SLC1A2: variants seen among roughly 807,000 people sequenced by gnomAD.
SLC1A2 encodes solute carrier family 1 member 2.
In SLC1A2, 15 loss-of-function variants were observed where a neutral mutation model predicts 48.8. The ratio of observed to expected loss-of-function variants is 0.31; its 90% CI spans 0.21 to 0.47. SLC1A2 has a LOEUF of 0.47. SLC1A2 is among the 20% of genes least tolerant of loss of function. The probability of loss-of-function intolerance (pLI) is 0.99; values close to 1 mark genes in which losing one functional copy is unlikely to be tolerated. For synonymous variants in SLC1A2, 279 were observed against 272.6 expected (o/e 1.02, Z -0.23); for missense variants, 502 against 730.5 (o/e 0.69, Z 3.61).
chr11:35,326,824 A>T (rs1317073832), intron 1 of SLC1A2, among the ~76,000 whole-genome samples: 2 of 152,178 alleles, frequency 1.3e-5, no homozygotes, highest in Non-Finnish European at 2.9e-5. Flanking sequence ...TCCTTGAGAG[A>T]ACTATCCCTT....
In SLC1A2 at chr11:35,312,283, T is replaced by C; in HGVS notation, c.476A>G (p.Asn159Ser). Residue 159 changes from asparagine (N) to serine (S), a missense_variant, in exon 4 of 11, where the codon AAT becomes AGT. Transcript: ENST00000278379. ...GGCATCCAGGCTGGACACTTCATCATTCTTCTTCCCAGGCCCCAGCTGCTT... is the reference window on the plus strand; with the variant it reads ...GGCATCCAGGCTGGACACTTCATCACTCTTCTTCCCAGGCCCCAGCTGCTT... ...LKKQLGPGKKNDEVSSLDAFL... is the reference protein window; with the variant it reads ...LKKQLGPGKKSDEVSSLDAFL... The C allele has an allele frequency of 6.2e-7, 1 of 1,614,150 alleles. No individual in the cohort carries two copies. The highest frequency in any genetic ancestry group is 8.5e-7 in the Non-Finnish European group (1 of 1,180,002).
intron 1 of SLC1A2, among the ~76,000 whole-genome samples, chr11:35,409,690 C>G (rs1176199986): frequency 6.6e-6 from 1 of 152,148 alleles, no homozygotes; most frequent in Non-Finnish European, 1.5e-5. Context: ...GGATGGATTA[C>G]CTGAGGTCAG....
chr11:35,306,654 C>T (rs1000707629), intron 4 of SLC1A2, among the ~76,000 whole-genome samples: 3 of 152,150 alleles, frequency 2.0e-5, no homozygotes, highest in Non-Finnish European at 2.9e-5. Flanking sequence ...TATGTTTGTA[C>T]CCTTTAAGCT....
intron 1 of SLC1A2, among the ~76,000 whole-genome samples, chr11:35,355,191 T>C (rs1004785728): frequency 1.3e-5 from 2 of 152,238 alleles, no homozygotes; most frequent in African/African-American, 4.8e-5. Flanking sequence ...TTCAAACTCT[T>C]CTACCTTGTT....
chr11:35,341,009 C>T (rs1253746798), intron 1 of SLC1A2, among the ~76,000 whole-genome samples: 1 of 152,194 alleles, frequency 6.6e-6, no homozygotes, highest in Non-Finnish European at 1.5e-5. Context: ...GTGAATCTCC[C>T]AGACGCCAGG....
chr11:35,282,215 C>T (rs917645365), intron 8 of SLC1A2, among the ~76,000 whole-genome samples: 3 of 152,122 alleles, frequency 2.0e-5, no homozygotes, highest in African/African-American at 7.2e-5. Flanking sequence ...CCCTCCCCGT[C>T]CATGGTGTCA....
At chr11:35,317,605 A>G in intron 1 of SLC1A2, 89 bp from the exon 2 acceptor site, 1 of 1,457,502 alleles carries the variant, frequency 6.9e-7, no homozygotes, top group South Asian at 1.3e-5. Flanking sequence ...CTCTCCAGGC[A>G]CAGTTGGAAT....
intron 1 of SLC1A2, among the ~76,000 whole-genome samples, chr11:35,404,852 G>C (rs1283218492): frequency 1.3e-5 from 2 of 152,174 alleles, no homozygotes; most frequent in East Asian, 3.8e-4. Context: ...ACTAACAATG[G>C]CTTCCCTGTC....
At chr11:35,415,280 G>T (rs1239641361) in intron 1 of SLC1A2, among the ~76,000 whole-genome samples, 1 of 152,206 alleles carries the variant, frequency 6.6e-6, no homozygotes, top group Non-Finnish European at 1.5e-5. Flanking sequence ...TTGTCTTTTG[G>T]TTTTTAATAA....
chr11:35,349,012 G>A (rs1472663826), intron 1 of SLC1A2, among the ~76,000 whole-genome samples: 1 of 152,060 alleles, frequency 6.6e-6, no homozygotes, highest in Non-Finnish European at 1.5e-5. Context: ...TTGGTTGGAA[G>A]AGGAAAGGGG....
chr11:35,319,612 G>A (rs1484651189), intron 1 of SLC1A2, among the ~76,000 whole-genome samples: 6 of 152,172 alleles, frequency 3.9e-5, no homozygotes, highest in Non-Finnish European at 7.3e-5. Context: ...TAATGGAAGC[G>A]TCAGGCATCA....
At position 35,369,420 on chromosome 11, in the gene SLC1A2, AC is replaced by A. The variant is rs1481808625; in HGVS notation, c.17+49529del. Among the ~76,000 whole-genome samples, 18 of 152,318 alleles carry A rather than the reference AC, an allele frequency of 1.2e-4. No homozygotes were observed. The East Asian group carries it at 3.1e-3, about 26-fold the overall frequency. On this transcript the variant is annotated intron_variant, in intron 1 of 10. Transcript: ENST00000278379. ...CAGCTTACCAAGCTCCAGGTTCCTT[AC>A]CAGATGCCTTGAGGCTCTCTCCCAC... is the stretch of plus-strand genomic sequence containing the variant.
At chr11:35,281,027 A>C in intron 8 of SLC1A2, 26 bp from the exon 9 acceptor site, 1 of 1,549,726 alleles carries the variant, frequency 6.5e-7, no homozygotes, top group South Asian at 1.2e-5. Context: ...AGTTCAGGTC[A>C]TGGAAATGGA....
At chr11:35,375,888 T>C (rs1854210839) in intron 1 of SLC1A2, among the ~76,000 whole-genome samples, 1 of 152,156 alleles carries the variant, frequency 6.6e-6, no homozygotes, top group Non-Finnish European at 1.5e-5. Flanking sequence ...TTATCCCCAA[T>C]TGGTAGACTA....
intron 1 of SLC1A2, among the ~76,000 whole-genome samples, chr11:35,344,624 G>A (rs1200744807): frequency 1.3e-5 from 2 of 152,182 alleles, no homozygotes; most frequent in Non-Finnish European, 2.9e-5. Flanking sequence ...ACCAGTTGTT[G>A]CTTCTGACAT....
At chr11:35,311,422 A>T (rs913750942) in intron 4 of SLC1A2, among the ~76,000 whole-genome samples, 1 of 152,158 alleles carries the variant, frequency 6.6e-6, no homozygotes, top group African/African-American at 2.4e-5. Context: ...GGCCTCTCGA[A>T]GTGCTGGGAT....
At chr11:35,311,133 G>A (rs1312120430) in intron 4 of SLC1A2, among the ~76,000 whole-genome samples, 2 of 152,056 alleles carry the variant, frequency 1.3e-5, no homozygotes, top group African/African-American at 2.4e-5. Flanking sequence ...ATGAACAATG[G>A]AGTACCATTG....
chr11:35,267,721 A>G (rs1487572443), intron 9 of SLC1A2, among the ~76,000 whole-genome samples: 10 of 152,054 alleles, frequency 6.6e-5, no homozygotes, highest in East Asian at 1.9e-4. Context: ...TGAGTCATAT[A>G]TCTGTGAAAG....
chr11:35,307,609 T>C (rs1244949855), intron 4 of SLC1A2, among the ~76,000 whole-genome samples: 1 of 152,200 alleles, frequency 6.6e-6, no homozygotes, highest in African/African-American at 2.4e-5. Flanking sequence ...CCCGAATAGA[T>C]ACGGAAGAAG....
Sources: allele counts gnomAD v4.1 joint callset (sites outside exome capture counted in the v4.1 genomes callset), GRCh38; gene constraint gnomAD v4.1.1; transcripts MANE v1.5; gene names NCBI Gene and HGNC (gene_info 2026-07-23, HGNC 2026-07-21).